The following GPC6 variants were observed in gnomAD, a reference collection of about 807,000 sequenced individuals.
GPC6 encodes the protein glypican-6.
A neutral mutation model predicts 55.2 loss-of-function variants in GPC6; 14 were observed. The observed-to-expected ratio is 0.25, with a 90% confidence interval of 0.17 to 0.40. The LOEUF (loss-of-function observed/expected upper bound fraction) is 0.40. Among genes scored for constraint, GPC6 ranks in the 10% least tolerant of loss-of-function variants. The probability of loss-of-function intolerance (pLI) is 1.00; values close to 1 mark genes in which losing one functional copy is unlikely to be tolerated. For missense variants in GPC6, 641 were observed against 708.5 expected (o/e 0.90, Z 1.08); for synonymous variants, 278 against 259.6 (o/e 1.07, Z -0.68).
chr13:93,596,119 A>G (rs181629247), intron 2 of GPC6, among the ~76,000 whole-genome samples: 30 of 152,214 alleles, frequency 2.0e-4, no homozygotes, highest in Admixed American at 1.4e-3. Flanking sequence ...TCTTTGCCCA[A>G]TTCTCTCCTA....
intron 1 of GPC6, among the ~76,000 whole-genome samples, chr13:93,539,427 A>G (rs1882196787): frequency 6.6e-6 from 1 of 152,170 alleles, no homozygotes; most frequent in Non-Finnish European, 1.5e-5. Flanking sequence ...AGCATATATC[A>G]TGGAGAACCA....
chr13:93,843,051 C>T (rs1888011712), intron 3 of GPC6, among the ~76,000 whole-genome samples: 1 of 148,538 alleles, frequency 6.7e-6, no homozygotes, highest in African/African-American at 2.5e-5. Context: ...TTTAACATCA[C>T]ATGCATTTCC....
intron 1 of GPC6, among the ~76,000 whole-genome samples, chr13:93,255,908 T>C (rs901522025): frequency 1.3e-5 from 2 of 152,048 alleles, no homozygotes; most frequent in African/African-American, 4.8e-5. Flanking sequence ...CCAAAGTTGA[T>C]GGATTACTGG....
At chr13:93,729,581 G>A (rs1044118275) in intron 2 of GPC6, among the ~76,000 whole-genome samples, 4 of 152,140 alleles carry the variant, frequency 2.6e-5, no homozygotes, top group African/African-American at 7.2e-5. Flanking sequence ...TCAAGAGTTG[G>A]CAGGGTTGAG....
chr13:93,436,097 G>A (rs1877561661), intron 1 of GPC6, among the ~76,000 whole-genome samples: 2 of 152,130 alleles, frequency 1.3e-5, no homozygotes, highest in South Asian at 2.1e-4. Context: ...ATTTGCATAA[G>A]TGTAACTGTA....
At chr13:93,234,983 ATT>A (rs1388548935) in intron 1 of GPC6, among the ~76,000 whole-genome samples, 2 of 152,180 alleles carry the variant, frequency 1.3e-5, no homozygotes, top group African/African-American at 4.8e-5. Context: ...TCACTATGAA[ATT>A]TAAGTCACAG....
At chr13:93,782,724 T>C (rs1251579151) in intron 2 of GPC6, among the ~76,000 whole-genome samples, 1 of 152,158 alleles carries the variant, frequency 6.6e-6, no homozygotes, top group Non-Finnish European at 1.5e-5. Context: ...TTTGTATGTC[T>C]TCTTTTAAGA....
At chr13:93,730,504 A>T (rs1393288799) in intron 2 of GPC6, among the ~76,000 whole-genome samples, 1 of 152,118 alleles carries the variant, frequency 6.6e-6, no homozygotes, top group African/African-American at 2.4e-5. Context: ...CCCAGCAGAG[A>T]TGTCACTGGC....
intron 1 of GPC6, among the ~76,000 whole-genome samples, chr13:93,266,085 A>C (rs2139046745): frequency 6.6e-6 from 1 of 152,318 alleles, no homozygotes; most frequent in South Asian, 2.1e-4. Context: ...CTAAAAATGA[A>C]GACACCTTCA....
chr13:93,939,733 A>G (rs974147055), intron 3 of GPC6, among the ~76,000 whole-genome samples: 8 of 152,156 alleles, frequency 5.3e-5, no homozygotes, highest in Non-Finnish European at 7.3e-5. Flanking sequence ...TACAGGCATG[A>G]GCCACTGCAC....
At chr13:94,106,767 A>G (rs759537808) in intron 4 of GPC6, among the ~76,000 whole-genome samples, 9 of 152,164 alleles carry the variant, frequency 5.9e-5, no homozygotes, top group Non-Finnish European at 1.2e-4. Flanking sequence ...GAAGTAGTAA[A>G]GTATAAATGG....
chr13:94,181,491 C>G (rs1201445617), intron 4 of GPC6, among the ~76,000 whole-genome samples: 1 of 152,116 alleles, frequency 6.6e-6, no homozygotes, highest in Admixed American at 6.5e-5. Context: ...CATAAAGAAT[C>G]AAATATTTAG....
intron 6 of GPC6, among the ~76,000 whole-genome samples, chr13:94,321,245 G>A (rs1307424264): frequency 6.6e-6 from 1 of 152,162 alleles, no homozygotes; most frequent in Non-Finnish European, 1.5e-5. Flanking sequence ...CAAAATACAT[G>A]ACCTCATTGT....
intron 3 of GPC6, among the ~76,000 whole-genome samples, chr13:93,959,742 G>A (rs1361400905): frequency 6.6e-6 from 1 of 152,018 alleles, no homozygotes; most frequent in Non-Finnish European, 1.5e-5. Context: ...TTAGGAGCCA[G>A]GCACTATTCT....
chr13:93,638,279 G>A, intron 2 of GPC6, among the ~76,000 whole-genome samples: 1 of 152,090 alleles, frequency 6.6e-6, no homozygotes, highest in African/African-American at 2.4e-5. Flanking sequence ...ATACTCTGCT[G>A]AGGCATAGCC....
At chr13:94,129,690 C>G (rs544717688) in intron 4 of GPC6, among the ~76,000 whole-genome samples, 2 of 152,028 alleles carry the variant, frequency 1.3e-5, no homozygotes, top group East Asian at 3.9e-4. Context: ...ACTCTTCTGT[C>G]CCCTGTGTAA....
At chr13:93,791,844 A>C (rs1886045786) in intron 2 of GPC6, among the ~76,000 whole-genome samples, 1 of 152,220 alleles carries the variant, frequency 6.6e-6, no homozygotes, top group South Asian at 2.1e-4. Flanking sequence ...ACACTGGGTG[A>C]AATTGTGCTT....
chr13:93,701,619 G>A (rs1413961193), intron 2 of GPC6, among the ~76,000 whole-genome samples: 2 of 152,018 alleles, frequency 1.3e-5, no homozygotes, highest in African/African-American at 4.8e-5. Flanking sequence ...AGCATGCAAT[G>A]TTATTCAGTA....
intron 4 of GPC6, among the ~76,000 whole-genome samples, chr13:94,232,855 C>G (rs1164612928): frequency 2.0e-5 from 3 of 151,942 alleles, no homozygotes; most frequent in Non-Finnish European, 4.4e-5. Context: ...TAGTGACTGG[C>G]TGATTGTTAC....
Sources: allele counts gnomAD v4.1 joint callset (sites outside exome capture counted in the v4.1 genomes callset), GRCh38; gene constraint gnomAD v4.1.1; transcripts MANE v1.5; gene names NCBI Gene and HGNC (gene_info 2026-07-23, HGNC 2026-07-21).